The following NUP188 variants were observed in gnomAD, a reference collection of about 807,000 sequenced individuals.
The protein encoded by NUP188 is nucleoporin NUP188.
A neutral mutation model predicts 223.0 loss-of-function variants in NUP188; 97 were observed. The ratio of observed to expected loss-of-function variants is 0.43; its 90% CI spans 0.37 to 0.51. NUP188 has a LOEUF of 0.51. Among genes scored for constraint, NUP188 ranks in the 20% least tolerant of loss-of-function variants. The pLI is 0.00. For missense variants in NUP188, 1,947 were observed against 2,175.6 expected, an observed-to-expected ratio of 0.89 and a Z score of 2.09; for synonymous variants, 869 against 828.0, an observed-to-expected ratio of 1.05 and a Z score of -0.85.
chr9:128,969,933 TTTTG>T (rs1842083245), intron 10 of NUP188, among the ~76,000 whole-genome samples: 4 of 151,874 alleles, frequency 2.6e-5, no homozygotes, highest in Admixed American at 2.6e-4. Context: ...GCCCAGTCTG[TTTTG>T]TTTTTTTTGA....
intron 8 of NUP188, 149 bp downstream of exon 8, chr9:128,959,283 A>G (rs1841912272): frequency 5.7e-6 from 3 of 530,660 alleles, no homozygotes; most frequent in Non-Finnish European, 8.8e-6. Context: ...AGTGGATTAC[A>G]GGCACCCGTC....
At chr9:128,965,266 G>A (rs1277147174) in intron 8 of NUP188, among the ~76,000 whole-genome samples, 1 of 151,920 alleles carries the variant, frequency 6.6e-6, no homozygotes, top group Non-Finnish European at 1.5e-5. Flanking sequence ...CAAGTTTCCT[G>A]TTTCTATTTG....
At chr9:128,972,426 A>G (rs940787863) in intron 11 of NUP188, among the ~76,000 whole-genome samples, 2 of 152,218 alleles carry the variant, frequency 1.3e-5, no homozygotes, top group East Asian at 1.9e-4. Flanking sequence ...TGGGTTGCCA[A>G]CGGTCTAGTG....
rs1429258027 is a variant in NUP188, at chr9:128,976,888, G to A, written c.1204-2374G>A. The stretch of plus-strand genomic sequence containing the variant: ...GCTCAGGAGTTCAGGACCAGCCTGG[G>A]CAACATGATGAAGCCCTGTCTCTAC... On this transcript the variant is annotated intron_variant, in intron 12 of 43. Transcript: ENST00000372577. Among the ~76,000 whole-genome samples, 5 of 152,082 alleles carry A rather than the reference G, an allele frequency of 3.3e-5. No individual in the cohort carries two copies. The South Asian group carries it at 6.2e-4, about 19-fold the overall frequency.
Position 129,005,412 on chromosome 9 carries a change from A to G in NUP188, c.4619A>G (p.Glu1540Gly), listed in dbSNP as rs1842769633. Residue 1540 changes from glutamate (E) to glycine (G), a missense_variant, in exon 40 of 44, where the codon GAG becomes GGG. Physicochemically the swap from Glu to Gly is moderately conservative, Grantham distance 98. Transcript: ENST00000372577. ...SSSKQPAADT[E>G]ASEQQALHTV... ...TCAAAGCAGCCCGCTGCTGACACAG[A>G]GGCATCAGAGCAGCAGGCCTTGCAC... 1.2e-6 allele frequency: 2 copies of G among 1,611,196 alleles called. No individual in the cohort carries two copies. Among genetic ancestry groups the G allele is most frequent in the African/African-American group, 1.3e-5 (1 of 75,028 alleles).
chr9:128,995,590 C>A, intron 30 of NUP188, 76 bp downstream of exon 30: 2 of 1,246,398 alleles, frequency 1.6e-6, no homozygotes, highest in Non-Finnish European at 2.3e-6. Context: ...GCAGATACAG[C>A]TCCTTGTGCG....
chr9:129,006,616 C>T lies in NUP188; in HGVS notation c.5188C>T (p.Pro1730Ser). ...GKSTSLSKAS[P>S]ESQEPLIQLV... ...GTCCACCTCTCTCTCCAAAGCCAGCCCTGAGAGTCAGGAGCCTCTGATCCA... is the reference window on the plus strand; with the variant it reads ...GTCCACCTCTCTCTCCAAAGCCAGCTCTGAGAGTCAGGAGCCTCTGATCCA... The change falls in exon 44 of 44, where the codon CCT (proline) becomes TCT (serine). Residue 1730 changes from proline to serine, a missense_variant. By Grantham distance (74) the Pro-to-Ser change is moderately conservative (BLOSUM62 -1). This residue lies in a region of NUP188 where 905 missense variants were observed against 990.6 expected (regional missense o/e 0.91). Transcript: ENST00000372577. 1 of 1,614,202 alleles carries T rather than the reference C, an allele frequency of 6.2e-7. No homozygotes were observed. The highest frequency in any genetic ancestry group is 2.2e-5 in the East Asian group (1 of 44,880).
intron 25 of NUP188, among the ~76,000 whole-genome samples, chr9:128,992,738 A>G (rs1157957101): frequency 1.3e-5 from 2 of 152,190 alleles, no homozygotes; most frequent in Admixed American, 1.3e-4. Context: ...AGTGAACATT[A>G]TTATCCCTAC....
In NUP188 at chr9:128,947,708, G is replaced by C; in HGVS notation, c.-12G>C. 2 of 1,469,326 alleles carry C rather than the reference G, an allele frequency of 1.4e-6. No homozygotes were observed. The highest frequency in any genetic ancestry group is 9.0e-7 in the Non-Finnish European group (1 of 1,113,396). The allele number at this position is 1,469,326 out of a possible 1,614,324, so 91.0% of individuals were successfully genotyped here. A position where few individuals can be genotyped will look rare whatever the true frequency, so the allele number is the denominator to read the frequency against. On this transcript the variant is annotated 5_prime_UTR_variant, in exon 1 of 44. Coordinates refer to ENST00000372577, the MANE Select transcript of NUP188 (RefSeq NM_015354.3). ...GTCTGGGGGCGGGGTTAGGGCGAGCGGGCGCGCGAAGATGGCGGCGGCCGC... is the reference window on the plus strand; with the variant it reads ...GTCTGGGGGCGGGGTTAGGGCGAGCCGGCGCGCGAAGATGGCGGCGGCCGC...
At chr9:128,956,210 T>TGTGC (rs1554827624) in intron 3 of NUP188, 140 bp from the exon 4 acceptor site, 16,812 of 440,212 alleles carry the variant, frequency 0.038, 486 homozygotes, top group Middle Eastern at 0.071. Flanking sequence ...TGTGTGTGTG[T>TGTGC]GCGTGTGTGT....
chr9:128,977,268 C>T (rs1043948506), intron 12 of NUP188, among the ~76,000 whole-genome samples: 76 of 151,842 alleles, frequency 5.0e-4, no homozygotes, highest in Middle Eastern at 3.4e-3. Flanking sequence ...TACAGGCGCC[C>T]GCCGCCATAC....
At position 128,987,695 on chromosome 9, in the gene NUP188, G is replaced by C. The variant is rs758336255; in HGVS notation, c.2371G>C (p.Val791Leu). 4 of 1,613,938 alleles carry C rather than the reference G, an allele frequency of 2.5e-6. No individual in the cohort carries two copies. The highest frequency in any genetic ancestry group is 2.7e-5 in the African/African-American group (2 of 74,932). Residue 791 changes from valine to leucine, a missense_variant, in exon 23 of 44, where the codon GTG becomes CTG. Coordinates refer to ENST00000372577, the MANE Select transcript of NUP188 (RefSeq NM_015354.3). ...CATTGGCGTGGACACCATTGACATG[G>C]TGATGGCTGCTCAGCCTCGAAGGTA... ...MGIGVDTIDM[V>L]MAAQPRSDGA...
At chr9:129,003,479 G>A (rs759555965) in intron 38 of NUP188, 25 bp downstream of exon 38, 23 of 1,604,886 alleles carry the variant, frequency 1.4e-5, no homozygotes, top group Middle Eastern at 3.3e-4. Flanking sequence ...TGGTGTCTTG[G>A]AGTCTGGGGT....
intron 41 of NUP188, 137 bp downstream of exon 41, chr9:129,005,913 G>T: frequency 7.1e-7 from 1 of 1,399,724 alleles, no homozygotes; most frequent in Non-Finnish European, 9.9e-7. Context: ...GAACATGACA[G>T]CACCTCTGAG....
In NUP188 at chr9:129,001,618, C is replaced by T; in HGVS notation, c.3933C>T (p.Pro1311=). 6.2e-7 allele frequency: 1 copy of T among 1,614,022 alleles called. No homozygotes were observed. ...DSWLQVTRRL[P]ILPTLLTTLE... ...GGCTGCAGGTAACCCGCAGGCTCCC[C>T]ATCCTACCCACCCTCCTCACCACTC... The change falls in exon 35 of 44, where the codon CCC becomes CCT. Residue 1311 remains proline, a synonymous_variant. Coordinates refer to ENST00000372577, the MANE Select transcript of NUP188 (RefSeq NM_015354.3).
At chr9:128,949,309 C>G in intron 2 of NUP188, 66 bp downstream of exon 2, 3 of 1,171,290 alleles carry the variant, frequency 2.6e-6, no homozygotes, top group Non-Finnish European at 3.8e-6. Flanking sequence ...CCAAAAAAAA[C>G]CTTTTTTTAA....
At chr9:128,996,843 G>T (rs1407024190) in intron 30 of NUP188, among the ~76,000 whole-genome samples, 1 of 152,100 alleles carries the variant, frequency 6.6e-6, no homozygotes, top group Non-Finnish European at 1.5e-5. Flanking sequence ...AAAAAAAAGA[G>T]AAAGAAACCT....
intron 38 of NUP188, chr9:129,003,672 C>T: frequency 1.5e-6 from 1 of 653,694 alleles, no homozygotes; most frequent in Admixed American, 2.4e-5. Flanking sequence ...GGACTTTTAT[C>T]AGTTAGATCT....
chr9:128,963,127 T>C (rs886133385), intron 8 of NUP188, among the ~76,000 whole-genome samples: 3 of 152,214 alleles, frequency 2.0e-5, no homozygotes, highest in Admixed American at 6.5e-5. Flanking sequence ...TGTTTATCCA[T>C]TTCTCAGTTG....
Sources: gnomAD v4.1 joint callset for allele counts (sites outside exome capture counted in the v4.1 genomes callset) on GRCh38, gnomAD v4.1.1 for gene constraint, gnomAD v4.1.1 regional missense constraint, MANE v1.5 for transcripts, NCBI Gene and HGNC (gene_info 2026-07-23, HGNC 2026-07-21) for gene names.